The following DPF3 variants were observed in gnomAD, a reference collection of about 807,000 sequenced individuals.
The protein encoded by DPF3 is double PHD fingers 3.
In DPF3, 18 loss-of-function variants were observed where a neutral mutation model predicts 56.8. The observed-to-expected ratio is 0.32, with a 90% confidence interval of 0.22 to 0.47. DPF3 has a LOEUF of 0.47. Ranked by LOEUF, DPF3 falls within the 20% of genes least tolerant of loss-of-function variation. DPF3 has a pLI of 1.00. For synonymous variants in DPF3, 188 were observed against 180.2 expected, an observed-to-expected ratio of 1.04 and a Z score of -0.35; for missense variants, 403 against 488.8, an observed-to-expected ratio of 0.82 and a Z score of 1.65.
intron 8 of DPF3, among the ~76,000 whole-genome samples, chr14:72,647,125 C>T (rs1247204409): frequency 6.6e-6 from 1 of 152,206 alleles, no homozygotes; most frequent in Non-Finnish European, 1.5e-5. Flanking sequence ...CTGCCCACCT[C>T]ATCCTTCTTC....
At chr14:72,846,078 GTTTATTTTATTTTAT>G (rs58779335) in intron 1 of DPF3, among the ~76,000 whole-genome samples, 5,836 of 133,688 alleles carry the variant, frequency 0.044, 365 homozygotes, top group African/African-American at 0.14. Flanking sequence ...TTATTTTACT[GTTTATTTTATTTTAT>G]TTTATTTTAT....
chr14:72,799,419 C>T (rs1245276326), intron 1 of DPF3, among the ~76,000 whole-genome samples: 1 of 152,064 alleles, frequency 6.6e-6, no homozygotes, highest in Non-Finnish European at 1.5e-5. Flanking sequence ...AATCCTAGCA[C>T]TTTGGGAGGC....
chr14:72,892,768 CG>C, intron 1 of DPF3: 1 of 912,032 alleles, frequency 1.1e-6, no homozygotes, highest in Non-Finnish European at 1.3e-6. Flanking sequence ...TTCGTCCGGG[CG>C]GGGAAGTCCC....
At chr14:72,713,772 A>G (rs985472999) in intron 6 of DPF3, among the ~76,000 whole-genome samples, 2 of 152,094 alleles carry the variant, frequency 1.3e-5, no homozygotes, top group South Asian at 2.1e-4. Context: ...AGGTCCACCC[A>G]CTGCCCTGGC....
intron 3 of DPF3, among the ~76,000 whole-genome samples, chr14:72,751,325 G>A (rs1166473370): frequency 1.3e-5 from 2 of 152,134 alleles, no homozygotes; most frequent in Non-Finnish European, 2.9e-5. Flanking sequence ...TCATGTCAGG[G>A]TGACATGTAG....
intron 1 of DPF3, among the ~76,000 whole-genome samples, chr14:72,840,958 G>C (rs1232057291): frequency 6.6e-6 from 1 of 152,196 alleles, no homozygotes; most frequent in Non-Finnish European, 1.5e-5. Context: ...TCCCAGGCAT[G>C]GGTCTGGCTT....
At chr14:72,635,687 G>A (rs1885364991) in intron 8 of DPF3, among the ~76,000 whole-genome samples, 1 of 152,168 alleles carries the variant, frequency 6.6e-6, no homozygotes, top group Non-Finnish European at 1.5e-5. Context: ...TAGATATTCA[G>A]TACATTGAGA....
Position 72,674,487 on chromosome 14 carries a change from C to T in DPF3, c.743-119G>A, listed in dbSNP as rs1886825575. The T allele has an allele frequency of 2.1e-6, 3 of 1,418,314 alleles. No individual in the cohort carries two copies. The African/African-American group carries it at 4.3e-5, about 21-fold the overall frequency. The allele number at this position is 1,418,314 out of a possible 1,614,324, so 87.9% of individuals were successfully genotyped here. The stretch of plus-strand genomic sequence containing the variant: ...AAGGAATCTGAGGTTTTATTATAAC[C>T]AAGTTGGCAAATTGGGCTACGCTTT... On this transcript the variant is annotated intron_variant, in intron 7 of 10. Coordinates refer to ENST00000556509, the MANE Select transcript of DPF3 (RefSeq NM_001280542.3).
Position 72,884,659 on chromosome 14 carries a change from C to T in DPF3, c.32+9398G>A, listed in dbSNP as rs567755284. ...ATCCTGTCATCACCGTGCTTCCACC[C>T]ACCTCCTGTTGTCAGACATCACATC... On this transcript the variant is annotated intron_variant, in intron 1 of 10. Transcript: ENST00000556509. Among the ~76,000 whole-genome samples the T allele has an allele frequency of 2.6e-5, 4 of 151,826 alleles. No homozygotes were observed. In the South Asian group the frequency reaches 8.3e-4, roughly 32 times the overall value.
At chr14:72,670,496 G>C (rs1391364375) in intron 8 of DPF3, 1 of 985,766 alleles carries the variant, frequency 1.0e-6, no homozygotes, top group Non-Finnish European at 1.2e-6. Flanking sequence ...TCAGGGAGGA[G>C]AATGAGGGAG....
chr14:72,757,622 AT>A (rs1890891267), intron 2 of DPF3, among the ~76,000 whole-genome samples: 1 of 152,180 alleles, frequency 6.6e-6, no homozygotes, highest in Non-Finnish European at 1.5e-5. Flanking sequence ...CAATACAACA[AT>A]TTAAAATACA....
chr14:72,674,483 TA>T (rs746281727), intron 7 of DPF3, 115 bp from the exon 8 acceptor site: 83 of 1,440,396 alleles, frequency 5.8e-5, no homozygotes, highest in Non-Finnish European at 7.4e-5. Flanking sequence ...GGTTTTATTA[TA>T]ACCAAGTTGG....
At chr14:72,672,450 C>T (rs887828294) in intron 8 of DPF3, among the ~76,000 whole-genome samples, 3 of 152,176 alleles carry the variant, frequency 2.0e-5, no homozygotes, top group Non-Finnish European at 4.4e-5. Context: ...AAGCACATCT[C>T]ATCTCATGGG....
chr14:72,892,036 CA>C, intron 1 of DPF3: 2 of 1,389,118 alleles, frequency 1.4e-6, no homozygotes, highest in Admixed American at 2.8e-5. Context: ...TACTGTGATC[CA>C]AAAAACCCTG....
rs1458566036 is a variant in DPF3 at position 72,619,115 on chromosome 14, CAT to C, written c.*180_*181del. Reference sequence around the variant, plus strand: ...AGGAGGTGCTGGCTGAAGTTCCGTACATATCGGGGGAGGTCAGGAGATGCCTC... The same window carrying C: ...AGGAGGTGCTGGCTGAAGTTCCGTACATCGGGGGAGGTCAGGAGATGCCTC... On this transcript the variant is annotated 3_prime_UTR_variant, in exon 11 of 11. Transcript: ENST00000556509. 6.6e-6 allele frequency among the ~76,000 whole-genome samples: 1 copy of C among 152,226 alleles called. No homozygotes were observed. Among genetic ancestry groups the C allele is most frequent in the Non-Finnish European group, 1.5e-5 (1 of 68,034 alleles).
At chr14:72,864,528 G>A (rs1250057684) in intron 1 of DPF3, among the ~76,000 whole-genome samples, 1 of 152,190 alleles carries the variant, frequency 6.6e-6, no homozygotes, top group African/African-American at 2.4e-5. Flanking sequence ...AATAAAAAAT[G>A]CCTGTAACAC....
chr14:72,762,832 C>A (rs1006193912), intron 2 of DPF3, among the ~76,000 whole-genome samples: 7 of 151,786 alleles, frequency 4.6e-5, no homozygotes, highest in African/African-American at 1.7e-4. Flanking sequence ...AGGTTATCTA[C>A]TAGCAAACTA....
At chr14:72,824,774 G>A (rs1480289899) in intron 1 of DPF3, among the ~76,000 whole-genome samples, 1 of 152,082 alleles carries the variant, frequency 6.6e-6, no homozygotes, top group Non-Finnish European at 1.5e-5. Flanking sequence ...GTTTCACCAT[G>A]TTGGCCAGGC....
At chr14:72,887,872 T>C (rs750286074) in intron 1 of DPF3, among the ~76,000 whole-genome samples, 2 of 152,136 alleles carry the variant, frequency 1.3e-5, no homozygotes, top group African/African-American at 2.4e-5. Context: ...ACGGGTTTCA[T>C]CAATAGCAGG....
Sources: gnomAD v4.1 joint callset for allele counts (sites outside exome capture counted in the v4.1 genomes callset) on GRCh38, gnomAD v4.1.1 for gene constraint, MANE v1.5 for transcripts, NCBI Gene and HGNC (gene_info 2026-07-23, HGNC 2026-07-21) for gene names.